The following PCDHGA3 variants were observed in gnomAD, a reference collection of about 807,000 sequenced individuals.
PCDHGA3 encodes protocadherin gamma-A3.
PCDHGA3 carries 40 observed loss-of-function variants against 58.5 expected under a neutral mutation model. The observed-to-expected ratio is 0.68, with a 90% CI of 0.53 to 0.89. PCDHGA3 has a LOEUF of 0.89. Among genes scored for constraint, PCDHGA3 ranks in the 40% least tolerant of loss-of-function variants. The pLI is 0.00. For synonymous variants in PCDHGA3, 530 were observed against 525.7 expected (o/e 1.01, Z -0.11); for missense variants, 1,223 against 1,195.9 (o/e 1.02, Z -0.33).
intron 1 of PCDHGA3, chr5:141,403,362 G>C: frequency 6.2e-7 from 1 of 1,614,062 alleles, no homozygotes; most frequent in Non-Finnish European, 8.5e-7. Flanking sequence ...CAGGCCGAAA[G>C]TCTGGAAGTA....
chr5:141,491,390 T>G lies in PCDHGA3; in HGVS notation c.2425-3417T>G. 1 of 1,614,130 alleles carries G rather than the reference T, an allele frequency of 6.2e-7. No individual in the cohort carries two copies. Among genetic ancestry groups the G allele is most frequent in the Admixed American group, 1.7e-5 (1 of 60,028 alleles). ...TTCACCTTTCTGTCAGCGAAGTGCC[T>G]TCAGGGAAACGCAGACGGGGACGGG... On this transcript the variant is annotated intron_variant, in intron 1 of 3. Transcript: ENST00000253812. The surrounding 1 kb of genome is among the most constrained non-coding windows in gnomAD (Gnocchi z 6.9).
rs200422536 is a variant in PCDHGA3, at chr5:141,351,348, C to A, written c.2424+4891C>A. ...GATTCAGACCTTGGAACTGTAATAG[C>A]CCTCATAAAAGTGCGAGACAAGGAT... On this transcript the variant is annotated intron_variant, in intron 1 of 3. Coordinates refer to ENST00000253812, the MANE Select transcript of PCDHGA3 (RefSeq NM_018916.4). 4.3e-6 allele frequency: 7 copies of A among 1,613,314 alleles called. No individual in the cohort carries two copies. In the Admixed American group the frequency reaches 1.0e-4, roughly 23 times the overall value.
At position 141,508,670 on chromosome 5, in the gene PCDHGA3, C is replaced by A. The variant is rs184838473; in HGVS notation, c.2573-2277C>A. The stretch of plus-strand genomic sequence containing the variant: ...GGCCCTTCCTGTCATTCTGTCTCTG[C>A]CTCCCTTCTCCCTGCTTCTCCGTGT... On this transcript the variant is annotated intron_variant, in intron 3 of 3. Coordinates refer to ENST00000253812, the MANE Select transcript of PCDHGA3 (RefSeq NM_018916.4). Among the ~76,000 whole-genome samples the A allele has an allele frequency of 3.7e-3, 564 of 152,202 alleles. 5 individuals are homozygous for A. The highest frequency in any genetic ancestry group is 0.011 in the Admixed American group (164 of 15,294).
chr5:141,413,863 G>T, intron 1 of PCDHGA3: 1 of 1,613,356 alleles, frequency 6.2e-7, no homozygotes, highest in Non-Finnish European at 8.5e-7. Flanking sequence ...ATCTGGCACT[G>T]TCCTTGTCAG....
chr5:141,422,074 C>T (rs886758924), intron 1 of PCDHGA3: 8 of 1,612,146 alleles, frequency 5.0e-6, no homozygotes, highest in African/African-American at 4.0e-5. Context: ...GTATTCATTT[C>T]GGAACATGGA....
At chr5:141,356,483 GAACTCCTC>G in intron 1 of PCDHGA3, 1 of 1,613,938 alleles carries the variant, frequency 6.2e-7, no homozygotes, top group Non-Finnish European at 8.5e-7. Flanking sequence ...ACTGACCAGG[GAACTCCTC>G]CACTGTCTAC....
chr5:141,486,189 A>T lies in PCDHGA3; in HGVS notation c.2425-8618A>T, dbSNP rs761466492. 6.2e-7 allele frequency: 1 copy of T among 1,614,062 alleles called. No individual in the cohort carries two copies. Among genetic ancestry groups the T allele is most frequent in the Non-Finnish European group, 8.5e-7 (1 of 1,179,994 alleles). ...GAGCAACATTGCAGCCTTCGAGTGG[A>T]TCTGCTGGACGTAAATGACAATGCC... is the stretch of plus-strand genomic sequence containing the variant. On this transcript the variant is annotated intron_variant, in intron 1 of 3. Coordinates refer to ENST00000253812, the MANE Select transcript of PCDHGA3 (RefSeq NM_018916.4). The surrounding 1 kb of genome is among the most constrained non-coding windows in gnomAD (Gnocchi z 5.0).
chr5:141,495,833 G>A (rs559689667), intron 2 of PCDHGA3, among the ~76,000 whole-genome samples: 3 of 151,876 alleles, frequency 2.0e-5, no homozygotes, highest in African/African-American at 4.8e-5. Context: ...TCTATCCCCA[G>A]CCTCTATGTT....
At chr5:141,484,707 G>C (rs1288663675) in intron 1 of PCDHGA3, among the ~76,000 whole-genome samples, 1 of 151,802 alleles carries the variant, frequency 6.6e-6, no homozygotes. Flanking sequence ...TGTTTTCCCC[G>C]CCGAAAAGGG....
chr5:141,390,332 A>T, intron 1 of PCDHGA3: 1 of 1,600,116 alleles, frequency 6.2e-7, no homozygotes, highest in Non-Finnish European at 8.5e-7. Flanking sequence ...CCATTTCTCC[A>T]TATTCACAAG....
intron 1 of PCDHGA3, among the ~76,000 whole-genome samples, chr5:141,482,760 C>CAGCTGTG (rs1363796107): frequency 2.1e-5 from 3 of 141,084 alleles, no homozygotes; most frequent in African/African-American, 5.7e-5. Flanking sequence ...TATGGTATTT[C>CAGCTGTG]ATTATCACTG....
At chr5:141,483,854 T>C (rs2154580004) in intron 1 of PCDHGA3, among the ~76,000 whole-genome samples, 1 of 152,236 alleles carries the variant, frequency 6.6e-6, no homozygotes, top group South Asian at 2.1e-4. Flanking sequence ...ATTAAGAAAT[T>C]TCATGTCCAG....
At position 141,431,245 on chromosome 5, in the gene PCDHGA3, C is replaced by A. The variant is rs761126985; in HGVS notation, c.2425-63562C>A. The A allele has an allele frequency of 5.0e-6, 8 of 1,614,016 alleles. No individual in the cohort carries two copies. In the Admixed American group the frequency reaches 1.2e-4, roughly 24 times the overall value. On this transcript the variant is annotated intron_variant, in intron 1 of 3. Coordinates refer to ENST00000253812, the MANE Select transcript of PCDHGA3 (RefSeq NM_018916.4). This position sits in a 1 kb window ranked among gnomAD's most constrained non-coding sequence, Gnocchi z 4.8. ...TACCCCACGCCTGGGATCCGGATAT[C>A]GGGAAGAACTCTCTGCAGAGCTACG... is the stretch of plus-strand genomic sequence containing the variant.
chr5:141,409,566 C>G (rs750850161), intron 1 of PCDHGA3: 1 of 1,613,978 alleles, frequency 6.2e-7, no homozygotes, highest in South Asian at 1.1e-5. Flanking sequence ...TTCGACCAGA[C>G]GTCCTACGTG....
chr5:141,485,525 C>A lies in PCDHGA3; in HGVS notation c.2425-9282C>A. On this transcript the variant is annotated intron_variant, in intron 1 of 3. Transcript: ENST00000253812. This position sits in a 1 kb window ranked among gnomAD's most constrained non-coding sequence, Gnocchi z 5.7. ...CACCGAAGGTCCTTTGGAAATGTAC[C>A]GAGCAGAGGTAGAGATCGTAGATGT... The A allele has an allele frequency of 5.6e-6, 9 of 1,614,122 alleles. No individual in the cohort carries two copies. Among genetic ancestry groups the A allele is most frequent in the Non-Finnish European group, 7.6e-6 (9 of 1,180,022 alleles).
At chr5:141,414,280 G>A (rs1448512468) in intron 1 of PCDHGA3, 2 of 1,613,604 alleles carry the variant, frequency 1.2e-6, no homozygotes, top group Admixed American at 1.7e-5. Context: ...TCTGGGAACA[G>A]TCGTAGCCCT....
At chr5:141,360,897 C>A in intron 1 of PCDHGA3, 4 of 1,614,016 alleles carry the variant, frequency 2.5e-6, no homozygotes, top group Non-Finnish European at 3.4e-6. Flanking sequence ...TGAGGGAGGA[C>A]GTGCCGCCGG....
At chr5:141,403,240 T>A (rs948095468) in intron 1 of PCDHGA3, 2 of 1,613,926 alleles carry the variant, frequency 1.2e-6, no homozygotes, top group Admixed American at 3.3e-5. Flanking sequence ...AGGAGCTCTG[T>A]GCTCAGAGCC....
chr5:141,372,676 C>G (rs370799055), intron 1 of PCDHGA3: 1 of 1,613,898 alleles, frequency 6.2e-7, no homozygotes, highest in African/African-American at 1.3e-5. Context: ...TCACATTCCT[C>G]AAACACCGAG....
Sources: gnomAD v4.1 joint callset for allele counts (sites outside exome capture counted in the v4.1 genomes callset) on GRCh38, gnomAD v4.1.1 for gene constraint, Gnocchi (gnomAD v3.1) non-coding constraint, MANE v1.5 for transcripts, NCBI Gene and HGNC (gene_info 2026-07-23, HGNC 2026-07-21) for gene names.